Variants in DCC observed in about 807,000 individuals in gnomAD.
The protein encoded by DCC is DCC netrin 1 receptor, also known as netrin receptor DCC.
A neutral mutation model predicts 172.5 loss-of-function variants in DCC; 58 were observed. The observed-to-expected ratio is 0.34, with a 90% CI of 0.27 to 0.42. The LOEUF is 0.42. Among genes scored for constraint, DCC ranks in the 10% least tolerant of loss-of-function variants. The probability of loss-of-function intolerance (pLI) is 1.00; values close to 1 mark genes in which losing one functional copy is unlikely to be tolerated. For missense variants in DCC, 1,740 were observed against 1,791.0 expected (o/e 0.97, Z 0.51); for synonymous variants, 709 against 644.5 (o/e 1.10, Z -1.52).
chr18:52,558,284 T>C (rs914853708), intron 1 of DCC, among the ~76,000 whole-genome samples: 1 of 151,794 alleles, frequency 6.6e-6, no homozygotes, highest in Admixed American at 6.6e-5. Flanking sequence ...TGATAATACA[T>C]TTATTACTTG....
chr18:52,844,317 TAGGC>T (rs561998498), intron 2 of DCC, among the ~76,000 whole-genome samples: 7 of 70,518 alleles, frequency 9.9e-5, no homozygotes, highest in African/African-American at 2.9e-4. Flanking sequence ...GATACATAGA[TAGGC>T]AGACAGACAG....
intron 3 of DCC, among the ~76,000 whole-genome samples, chr18:52,918,709 T>G (rs1302829213): frequency 6.6e-6 from 1 of 152,160 alleles, no homozygotes; most frequent in Non-Finnish European, 1.5e-5. Flanking sequence ...TATACTTTCT[T>G]AATCCTCCTC....
intron 1 of DCC, among the ~76,000 whole-genome samples, chr18:52,347,838 A>G (rs1983945269): frequency 6.6e-6 from 1 of 152,166 alleles, no homozygotes; most frequent in Admixed American, 6.6e-5. Context: ...ATTAGTTTCA[A>G]CACTATATAA....
intron 1 of DCC, among the ~76,000 whole-genome samples, chr18:52,495,802 G>A (rs920185830): frequency 2.7e-5 from 4 of 150,360 alleles, no homozygotes; most frequent in African/African-American, 9.8e-5. Context: ...GTGTTGTGAT[G>A]CATTGTTCTG....
chr18:52,656,305 G>A (rs2035254239), intron 1 of DCC, among the ~76,000 whole-genome samples: 1 of 151,800 alleles, frequency 6.6e-6, no homozygotes, highest in African/African-American at 2.4e-5. Context: ...AGAGACCTCA[G>A]AGACCTCCCT....
At chr18:53,368,090 GTTGTT>G (rs2058024949) in intron 15 of DCC, among the ~76,000 whole-genome samples, 1 of 152,124 alleles carries the variant, frequency 6.6e-6, no homozygotes, top group Non-Finnish European at 1.5e-5. Context: ...GCCAACACTT[GTTGTT>G]TTGTTTTTAG....
intron 1 of DCC, among the ~76,000 whole-genome samples, chr18:52,501,956 C>T (rs2031039070): frequency 1.3e-5 from 2 of 152,100 alleles, no homozygotes; most frequent in South Asian, 2.1e-4. Context: ...CTCTCCAGGG[C>T]CCACAGTTCG....
At chr18:53,308,348 A>G (rs575082132) in intron 13 of DCC, among the ~76,000 whole-genome samples, 12 of 152,280 alleles carry the variant, frequency 7.9e-5, no homozygotes, top group Non-Finnish European at 1.5e-4. Flanking sequence ...TCACATAAAA[A>G]TATTTAGAAT....
intron 1 of DCC, among the ~76,000 whole-genome samples, chr18:52,569,803 T>C (rs187091387): frequency 1.6e-3 from 238 of 152,210 alleles, no homozygotes; most frequent in Non-Finnish European, 2.5e-3. Context: ...GAGAAAGAAA[T>C]GTGGGCTATG....
chr18:52,513,204 G>C (rs1157111113), intron 1 of DCC, among the ~76,000 whole-genome samples: 4 of 152,118 alleles, frequency 2.6e-5, no homozygotes, highest in African/African-American at 9.7e-5. Context: ...GTTTTGTTTT[G>C]TTCTTTTCCT....
At chr18:53,344,859 T>A (rs2057705136) in intron 15 of DCC, among the ~76,000 whole-genome samples, 1 of 147,548 alleles carries the variant, frequency 6.8e-6, no homozygotes, top group South Asian at 2.1e-4. Flanking sequence ...CACTCCAGCC[T>A]GGGTGACAGA....
chr18:53,180,333 A>G (rs978073316), intron 9 of DCC, among the ~76,000 whole-genome samples: 1 of 152,238 alleles, frequency 6.6e-6, no homozygotes, highest in Admixed American at 6.5e-5. Flanking sequence ...TCACAGAAAT[A>G]AAAACCTCAA....
chr18:52,389,760 G>A (rs1040779834), intron 1 of DCC, among the ~76,000 whole-genome samples: 8 of 152,034 alleles, frequency 5.3e-5, no homozygotes, highest in African/African-American at 1.9e-4. Context: ...TTGAAGCTGT[G>A]TGCACCTCCC....
chr18:52,930,766 T>C (rs1031053303), intron 5 of DCC, among the ~76,000 whole-genome samples: 2 of 152,166 alleles, frequency 1.3e-5, no homozygotes, highest in Non-Finnish European at 2.9e-5. Flanking sequence ...ACAGAAACTC[T>C]TTATGTAAGA....
At chr18:52,430,252 A>T (rs1177865677) in intron 1 of DCC, among the ~76,000 whole-genome samples, 1 of 152,122 alleles carries the variant, frequency 6.6e-6, no homozygotes, top group Non-Finnish European at 1.5e-5. Context: ...AAGGCAAATG[A>T]AAATGAAGGG....
At chr18:52,990,877 T>G (rs2041378248) in intron 5 of DCC, among the ~76,000 whole-genome samples, 1 of 152,198 alleles carries the variant, frequency 6.6e-6, no homozygotes. Flanking sequence ...TTAACGAACA[T>G]CTTTACATAT....
intron 1 of DCC, among the ~76,000 whole-genome samples, chr18:52,593,493 G>T (rs1387796762): frequency 6.6e-6 from 1 of 152,102 alleles, no homozygotes; most frequent in Non-Finnish European, 1.5e-5. Context: ...TCTGTGACCT[G>T]CTCATATTTT....
chr18:53,264,967 C>CTATATTTT (rs1156628047), intron 12 of DCC, among the ~76,000 whole-genome samples: 1 of 152,274 alleles, frequency 6.6e-6, no homozygotes, highest in East Asian at 1.9e-4. Context: ...TTGAAACAGA[C>CTATATTTT]TATATTTTTA....
intron 7 of DCC, among the ~76,000 whole-genome samples, chr18:53,079,575 A>G (rs1359747638): frequency 1.3e-5 from 2 of 152,166 alleles, no homozygotes; most frequent in Admixed American, 1.3e-4. Flanking sequence ...TTAAGCCCTT[A>G]GTCTAATAGG....
Sources: allele counts gnomAD v4.1 joint callset (sites outside exome capture counted in the v4.1 genomes callset), GRCh38; gene constraint gnomAD v4.1.1; transcripts MANE v1.5; gene names NCBI Gene and HGNC (gene_info 2026-07-23, HGNC 2026-07-21).